Variants in SNTG1 observed in about 807,000 individuals in gnomAD.
SNTG1 encodes the protein syntrophin gamma 1, also known as gamma-1-syntrophin.
A neutral mutation model predicts 74.7 loss-of-function variants in SNTG1; 39 were observed. The ratio of observed to expected loss-of-function variants is 0.52; its 90% CI spans 0.40 to 0.68. The LOEUF is 0.68. Among genes scored for constraint, SNTG1 ranks in the 30% least tolerant of loss-of-function variants. The pLI is 0.00. For synonymous variants in SNTG1, 254 were observed against 217.1 expected (o/e 1.17, Z -1.49); for missense variants, 685 against 609.5 (o/e 1.12, Z -1.30).
intron 1 of SNTG1, among the ~76,000 whole-genome samples, chr8:50,107,897 A>C (rs2080441484): frequency 1.3e-5 from 2 of 152,164 alleles, no homozygotes; most frequent in Admixed American, 1.3e-4. Flanking sequence ...TGTTGTAAGA[A>C]TGAAATGAGA....
At chr8:50,283,737 A>C (rs1179522739) in intron 2 of SNTG1, among the ~76,000 whole-genome samples, 2 of 152,154 alleles carry the variant, frequency 1.3e-5, no homozygotes, top group Admixed American at 1.3e-4. Flanking sequence ...GTATTTCCCA[A>C]GCTGTTCTGG....
At chr8:50,399,671 ATAT>A (rs2092775337) in intron 3 of SNTG1, among the ~76,000 whole-genome samples, 1 of 142,544 alleles carries the variant, frequency 7.0e-6, no homozygotes, top group Non-Finnish European at 1.5e-5. Context: ...GTATCATTTC[ATAT>A]TTCCACTCCT....
chr8:50,310,720 A>T (rs1166204334), intron 2 of SNTG1, among the ~76,000 whole-genome samples: 1 of 152,200 alleles, frequency 6.6e-6, no homozygotes, highest in Non-Finnish European at 1.5e-5. Flanking sequence ...AAATAAATAA[A>T]TAAATGTAAG....
chr8:50,417,451 T>C (rs1465028175), intron 4 of SNTG1, among the ~76,000 whole-genome samples: 10 of 152,180 alleles, frequency 6.6e-5, no homozygotes, highest in South Asian at 4.1e-4. Flanking sequence ...ATTATACTTA[T>C]GAAATGTCGC....
intron 1 of SNTG1, among the ~76,000 whole-genome samples, chr8:50,057,815 G>C (rs948699974): frequency 2.0e-5 from 3 of 152,026 alleles, no homozygotes; most frequent in African/African-American, 7.2e-5. Context: ...GTCGTTATAG[G>C]AATGAACCTA....
chr8:50,382,994 A>C (rs2092514663), intron 2 of SNTG1, among the ~76,000 whole-genome samples: 1 of 152,178 alleles, frequency 6.6e-6, no homozygotes, highest in Non-Finnish European at 1.5e-5. Context: ...GACCACCCAC[A>C]TTATTGGGAA....
At chr8:50,028,703 C>A (rs1199405409) in intron 1 of SNTG1, among the ~76,000 whole-genome samples, 2 of 152,158 alleles carry the variant, frequency 1.3e-5, no homozygotes, top group African/African-American at 2.4e-5. Context: ...AATTAACCTG[C>A]ATATTGTGCA....
At chr8:50,266,313 AG>A (rs1423914803) in intron 2 of SNTG1, among the ~76,000 whole-genome samples, 1 of 152,150 alleles carries the variant, frequency 6.6e-6, no homozygotes, top group Non-Finnish European at 1.5e-5. Context: ...TTTTCAACAA[AG>A]ATGGTGAGAG....
intron 4 of SNTG1, among the ~76,000 whole-genome samples, chr8:50,429,358 G>A (rs1005577664): frequency 5.3e-5 from 8 of 152,082 alleles, no homozygotes; most frequent in Admixed American, 1.3e-4. Flanking sequence ...CTTATTTTTA[G>A]TAAGAGTACC....
chr8:50,318,589 A>G lies in SNTG1; in HGVS notation c.-27-75623A>G, dbSNP rs550044154. On this transcript the variant is annotated intron_variant, in intron 2 of 18. Coordinates refer to ENST00000642720, the MANE Select transcript of SNTG1 (RefSeq NM_018967.5). ...TAAGACTCTGCCCTATTTTTCTCCA[A>G]AGGATCTTAATGGGGGACAAAGATC... Among the ~76,000 whole-genome samples the G allele has an allele frequency of 3.3e-5, 5 of 152,278 alleles. No individual in the cohort carries two copies. The South Asian group carries it at 1.0e-3, about 32-fold the overall frequency.
At chr8:50,699,709 T>C (rs1001458968) in intron 15 of SNTG1, among the ~76,000 whole-genome samples, 4 of 152,166 alleles carry the variant, frequency 2.6e-5, no homozygotes, top group African/African-American at 9.7e-5. Flanking sequence ...AAAAAAGTAT[T>C]CTGGAGGCTA....
chr8:50,129,080 A>T (rs1453467230), intron 1 of SNTG1, among the ~76,000 whole-genome samples: 1 of 152,164 alleles, frequency 6.6e-6, no homozygotes, highest in Non-Finnish European at 1.5e-5. Flanking sequence ...AAAATTGCAT[A>T]TATCTTAACT....
intron 15 of SNTG1, among the ~76,000 whole-genome samples, chr8:50,663,246 T>A (rs368224694): frequency 5.3e-4 from 80 of 152,272 alleles, no homozygotes; most frequent in African/African-American, 1.8e-3. Context: ...TTGGTGTTGG[T>A]GTTTGGATGG....
chr8:50,619,927 C>T (rs1341567943), intron 13 of SNTG1, among the ~76,000 whole-genome samples: 1 of 147,074 alleles, frequency 6.8e-6, no homozygotes, highest in African/African-American at 2.5e-5. Context: ...AAAAAAAAAG[C>T]AAGCATGATT....
At chr8:50,318,962 T>C (rs1446370421) in intron 2 of SNTG1, among the ~76,000 whole-genome samples, 2 of 151,750 alleles carry the variant, frequency 1.3e-5, no homozygotes, top group Non-Finnish European at 2.9e-5. Flanking sequence ...TATCTACGTA[T>C]GTATATTTAT....
chr8:50,419,988 A>G (rs1331994811), intron 4 of SNTG1, among the ~76,000 whole-genome samples: 2 of 152,102 alleles, frequency 1.3e-5, no homozygotes, highest in Admixed American at 6.6e-5. Context: ...CTGAAAAAAA[A>G]ACAGGGAAAT....
At position 50,795,167 on chromosome 8, in the gene SNTG1, C is replaced by T. The variant is rs901194831; in HGVS notation, c.*2338C>T. 1.3e-5 allele frequency: 2 copies of T among 151,812 alleles called. No individual in the cohort carries two copies. Among genetic ancestry groups the T allele is most frequent in the Non-Finnish European group, 2.9e-5 (2 of 67,924 alleles). 9.4% of individuals were successfully genotyped at this position (151,812 alleles called of 1,614,324 possible). On this transcript the variant is annotated 3_prime_UTR_variant, in exon 19 of 19. Coordinates refer to ENST00000642720, the MANE Select transcript of SNTG1 (RefSeq NM_018967.5). ...CTTTAAATTACGTTGTAAAATGTAG[C>T]TTGATTAAAAACTTATGACAATACC... is the stretch of plus-strand genomic sequence containing the variant.
intron 1 of SNTG1, among the ~76,000 whole-genome samples, chr8:49,923,550 T>G (rs542185980): frequency 6.6e-6 from 1 of 152,270 alleles, no homozygotes; most frequent in East Asian, 1.9e-4. Flanking sequence ...TACTCAGCCT[T>G]TTCACGTTTA....
intron 17 of SNTG1, among the ~76,000 whole-genome samples, chr8:50,711,253 A>C (rs1412325032): frequency 6.6e-6 from 1 of 152,006 alleles, no homozygotes; most frequent in Non-Finnish European, 1.5e-5. Flanking sequence ...GTTATTTTCT[A>C]TCTATTTTTT....
Sources: allele counts gnomAD v4.1 joint callset (sites outside exome capture counted in the v4.1 genomes callset), GRCh38; gene constraint gnomAD v4.1.1; transcripts MANE v1.5; gene names NCBI Gene and HGNC (gene_info 2026-07-23, HGNC 2026-07-21).